Variants in FREM1 observed in about 807,000 individuals in gnomAD.
FREM1 encodes FRAS1 related extracellular matrix 1, also known as FRAS1-related extracellular matrix protein 1.
A neutral mutation model predicts 210.1 loss-of-function variants in FREM1; 220 were observed. The observed-to-expected ratio is 1.05, with a 90% confidence interval of 0.94 to 1.17. The LOEUF (loss-of-function observed/expected upper bound fraction) is 1.17, where lower values mean the gene tolerates loss of function less well. Ranked by LOEUF, FREM1 falls within the 50% of genes most tolerant of loss-of-function variation. The pLI is 0.00. For synonymous variants in FREM1, 1,189 were observed against 980.2 expected, an observed-to-expected ratio of 1.21 and a Z score of -3.98; for missense variants, 3,454 against 2,675.5, an observed-to-expected ratio of 1.29 and a Z score of -6.42.
chr9:14,817,114 A>C (rs1005717040), intron 14 of FREM1, among the ~76,000 whole-genome samples: 8 of 152,226 alleles, frequency 5.3e-5, no homozygotes, highest in African/African-American at 1.9e-4. Flanking sequence ...TTTGTCCTCA[A>C]ATTAAAAAGC....
chr9:14,738,710 T>C (rs1467980307), intron 36 of FREM1, among the ~76,000 whole-genome samples: 1 of 152,134 alleles, frequency 6.6e-6, no homozygotes, highest in African/African-American at 2.4e-5. Context: ...TTAAAGTGGT[T>C]TAAAAGATTT....
chr9:14,771,765 T>C (rs915670089), intron 25 of FREM1, among the ~76,000 whole-genome samples: 1 of 152,206 alleles, frequency 6.6e-6, no homozygotes, highest in African/African-American at 2.4e-5. Flanking sequence ...AGACCATGTA[T>C]ATTTTTGTGT....
At chr9:14,750,999 C>G (rs1186139130) in intron 29 of FREM1, among the ~76,000 whole-genome samples, 1 of 152,116 alleles carries the variant, frequency 6.6e-6, no homozygotes, top group African/African-American at 2.4e-5. Context: ...CCCAGCCATC[C>G]TGTCAACACC....
In FREM1 at chr9:14,849,978, C is replaced by G. The variant is rs186629758; in HGVS notation, c.1153-1205G>C. Among the ~76,000 whole-genome samples the G allele has an allele frequency of 1.2e-4, 18 of 152,192 alleles. 1 individual carries two copies. The highest frequency in any genetic ancestry group is 3.3e-4 in the Admixed American group (5 of 15,276). ...AATAAAAGCAGAAGGCAAAGCATAG[C>G]GTTTATAGCCTGAAGTCCTTTGTCT... On this transcript the variant is annotated intron_variant, in intron 6 of 36. Transcript: ENST00000380880.
intron 8 of FREM1, 22 bp downstream of exon 8, chr9:14,845,938 G>T: frequency 6.2e-7 from 1 of 1,612,474 alleles, no homozygotes; most frequent in Non-Finnish European, 8.5e-7. Context: ...TCTTTGCTAG[G>T]TTACCAAGTT....
rs1275285795 is a variant in FREM1, at chr9:14,824,915, G to T, written c.1959C>A (p.Val653=). The T allele has an allele frequency of 1.2e-6, 2 of 1,611,014 alleles. No individual in the cohort carries two copies. The highest frequency in any genetic ancestry group is 4.5e-5 in the East Asian group (2 of 44,764). ...TTATATAGGCCACCTCAGTTTCCTT[G>T]ACAACCAAATGCCGAGAAACTCCAG... The part of the protein sequence containing the change: ...EAPGVSRHLV[V]KETEVAYITK... The change falls in exon 11 of 37, where the codon GTC becomes GTA. Residue 653 remains valine, a synonymous_variant. Coordinates refer to ENST00000380880, the MANE Select transcript of FREM1 (RefSeq NM_001379081.2).
At chr9:14,788,831 A>C in intron 23 of FREM1, 88 bp downstream of exon 23, 1 of 973,816 alleles carries the variant, frequency 1.0e-6, no homozygotes, top group Non-Finnish European at 1.5e-6. Flanking sequence ...GAAAGAAGGG[A>C]GGGAAAGAGA....
intron 7 of FREM1, among the ~76,000 whole-genome samples, chr9:14,847,081 C>T (rs2131311178): frequency 6.6e-6 from 1 of 152,220 alleles, no homozygotes; most frequent in East Asian, 1.9e-4. Context: ...GAGTTAACAG[C>T]CAGTGAAGTA....
chr9:14,847,479 C>G (rs1435832794), intron 7 of FREM1, among the ~76,000 whole-genome samples: 1 of 140,720 alleles, frequency 7.1e-6, no homozygotes, highest in African/African-American at 2.6e-5. Flanking sequence ...AAGAAATGGA[C>G]AGAAGTGCAT....
At chr9:14,900,603 G>A (rs1469919728) in intron 1 of FREM1, among the ~76,000 whole-genome samples, 1 of 152,102 alleles carries the variant, frequency 6.6e-6, no homozygotes, top group Non-Finnish European at 1.5e-5. Context: ...AAGAGGAGAG[G>A]AAGATAGGAT....
chr9:14,766,986 C>T (rs933252353), intron 27 of FREM1, among the ~76,000 whole-genome samples: 1 of 152,182 alleles, frequency 6.6e-6, no homozygotes, highest in Non-Finnish European at 1.5e-5. Flanking sequence ...GTAATCACCA[C>T]AAGTTGCATT....
At chr9:14,894,159 T>C (rs1177131172) in intron 1 of FREM1, among the ~76,000 whole-genome samples, 1 of 152,226 alleles carries the variant, frequency 6.6e-6, no homozygotes, top group Non-Finnish European at 1.5e-5. Flanking sequence ...CATTGTCAAA[T>C]ATAAAACAAT....
chr9:14,841,808 G>C (rs1402083367), intron 9 of FREM1, among the ~76,000 whole-genome samples: 1 of 152,068 alleles, frequency 6.6e-6, no homozygotes, highest in African/African-American at 2.4e-5. Flanking sequence ...CTTGATATAT[G>C]GAAAAATTAG....
At chr9:14,827,407 C>T (rs1822679490) in intron 10 of FREM1, among the ~76,000 whole-genome samples, 1 of 152,154 alleles carries the variant, frequency 6.6e-6, no homozygotes, top group Admixed American at 6.5e-5. Flanking sequence ...AGGTAGGATG[C>T]GTGGTGGAAG....
At chr9:14,746,505 C>G (rs1405637142) in intron 34 of FREM1, 37 bp from the exon 35 acceptor site, 1 of 1,517,866 alleles carries the variant, frequency 6.6e-7, no homozygotes, top group African/African-American at 1.4e-5. Context: ...TCATAATGGT[C>G]TTTACAATCT....
chr9:14,876,774 T>TCA (rs1343793252), intron 1 of FREM1, among the ~76,000 whole-genome samples: 2 of 152,194 alleles, frequency 1.3e-5, no homozygotes, highest in Non-Finnish European at 2.9e-5. Context: ...TCTGCATCGC[T>TCA]CACGCTAGGA....
Position 14,868,780 on chromosome 9 carries a change from C to A in FREM1, c.198G>T (p.Glu66Asp). ...DACKVEVVMN[E>D]PITQRVGKLT... is the part of the protein sequence containing the mutation. ...GTTTCCCAACCCTCTGGGTTATTGG[C>A]TCATTCATCACAACTTCCACTTTGC... The change falls in exon 2 of 37, where the codon GAG becomes GAT. Residue 66 changes from glutamate (E) to aspartate (D), a missense_variant. Glu to Asp is a conservative substitution (Grantham distance 45). Coordinates refer to ENST00000380880, the MANE Select transcript of FREM1 (RefSeq NM_001379081.2). The A allele has an allele frequency of 1.2e-6, 2 of 1,612,804 alleles. No homozygotes were observed. Among genetic ancestry groups the A allele is most frequent in the Non-Finnish European group, 1.7e-6 (2 of 1,179,418 alleles).
In FREM1 at chr9:14,851,462, T is replaced by A. The variant is rs772842241; in HGVS notation, c.974A>T (p.Asp325Val). The A allele has an allele frequency of 1.2e-6, 2 of 1,613,808 alleles. No homozygotes were observed. The highest frequency in any genetic ancestry group is 3.3e-5 in the Admixed American group (2 of 60,002). Reference protein sequence around the residue: ...LTTSVLDCEEDETPKPLLVFN... With the variant: ...LTTSVLDCEEVETPKPLLVFN... Reference sequence around the variant, plus strand: ...CACCAGCAAGGGTTTAGGGGTCTCATCTTCTTCACAGTCCAGAACTGATGT... The same window carrying A: ...CACCAGCAAGGGTTTAGGGGTCTCAACTTCTTCACAGTCCAGAACTGATGT... The change falls in exon 6 of 37, where the codon GAT becomes GTT. Residue 325 changes from aspartate to valine, a missense_variant. Physicochemically the swap from Asp to Val is radical, Grantham distance 152. Coordinates refer to ENST00000380880, the MANE Select transcript of FREM1 (RefSeq NM_001379081.2).
intron 2 of FREM1, among the ~76,000 whole-genome samples, chr9:14,865,132 T>A (rs1472558847): frequency 6.6e-6 from 1 of 152,230 alleles, no homozygotes; most frequent in Non-Finnish European, 1.5e-5. Context: ...AATTACAATT[T>A]ATAATTAAAT....
Sources: gnomAD v4.1 joint callset for allele counts (sites outside exome capture counted in the v4.1 genomes callset) on GRCh38, gnomAD v4.1.1 for gene constraint, MANE v1.5 for transcripts, NCBI Gene and HGNC (gene_info 2026-07-23, HGNC 2026-07-21) for gene names.